LINGO2: variants seen among roughly 807,000 people sequenced by gnomAD.
The protein encoded by LINGO2 is leucine rich repeat and Ig domain containing 2, also known as leucine-rich repeat and immunoglobulin-like domain-containing nogo receptor-interacting protein 2.
A neutral mutation model predicts 30.6 loss-of-function variants in LINGO2; 14 were observed. The observed-to-expected ratio is 0.46, with a 90% confidence interval of 0.30 to 0.72. The LOEUF is 0.72. Among genes scored for constraint, LINGO2 ranks in the 30% least tolerant of loss-of-function variants. The pLI, the probability that LINGO2 is intolerant of heterozygous loss-of-function variation, is 0.07. For missense variants in LINGO2, 729 were observed against 751.7 expected (o/e 0.97, Z 0.35); for synonymous variants, 317 against 288.5 (o/e 1.10, Z -1.00).
chr9:28,877,240 A>C, the LINGO2 span, among the ~76,000 whole-genome samples: 2 of 151,706 alleles, frequency 1.3e-5, no homozygotes, highest in Non-Finnish European at 2.9e-5. Context: ...TGCTGTGCAG[A>C]AGCTCTTTAG....
At chr9:28,459,238 T>C (rs904284443) in intron 2 of LINGO2, among the ~76,000 whole-genome samples, 2 of 147,184 alleles carry the variant, frequency 1.4e-5, no homozygotes, top group Non-Finnish European at 3.0e-5. Context: ...CTTCTGGAAA[T>C]AAGCATTTAA....
the LINGO2 span, among the ~76,000 whole-genome samples, chr9:28,809,457 C>A: frequency 6.6e-6 from 1 of 152,210 alleles, no homozygotes; most frequent in South Asian, 2.1e-4. Flanking sequence ...TTTAAAAATG[C>A]TAGGATGGCT....
intron 4 of LINGO2, among the ~76,000 whole-genome samples, chr9:28,038,177 C>G (rs79402341): frequency 0.022 from 3,280 of 152,180 alleles, 120 homozygotes; most frequent in African/African-American, 0.074. Flanking sequence ...AGCAACCCAA[C>G]ATTTGTAATG....
At chr9:28,755,584 A>G in the LINGO2 span, among the ~76,000 whole-genome samples, 1 of 152,178 alleles carries the variant, frequency 6.6e-6, no homozygotes, top group Middle Eastern at 3.4e-3. Context: ...TTCTCTGCCA[A>G]GACTAAGAGA....
At chr9:29,083,148 G>T in the LINGO2 span, among the ~76,000 whole-genome samples, 12 of 152,086 alleles carry the variant, frequency 7.9e-5, no homozygotes, top group African/African-American at 2.9e-4. Flanking sequence ...GTTTATTGTG[G>T]CACTATTCAC....
At chr9:28,117,830 A>G (rs922017230) in intron 4 of LINGO2, among the ~76,000 whole-genome samples, 13 of 152,026 alleles carry the variant, frequency 8.6e-5, no homozygotes, top group African/African-American at 2.7e-4. Flanking sequence ...TAGTGAGATG[A>G]ACCCGGTACC....
At chr9:28,980,226 T>C in the LINGO2 span, among the ~76,000 whole-genome samples, 8 of 152,134 alleles carry the variant, frequency 5.3e-5, no homozygotes, top group Non-Finnish European at 1.2e-4. Context: ...AGCTTCATAA[T>C]GACCACATAG....
At chr9:28,674,849 AG>A (rs1425392075), upstream of LINGO2, among the ~76,000 whole-genome samples, 1 of 152,142 alleles carries the variant, frequency 6.6e-6, no homozygotes, top group African/African-American at 2.4e-5. Flanking sequence ...GCATCACTAA[AG>A]GATCATCCAA....
At chr9:28,866,984 A>T in the LINGO2 span, among the ~76,000 whole-genome samples, 1 of 152,188 alleles carries the variant, frequency 6.6e-6, no homozygotes, top group African/African-American at 2.4e-5. Context: ...AACCCACACA[A>T]GCAAGAAAAC....
the LINGO2 span, among the ~76,000 whole-genome samples, chr9:28,825,993 AT>A: frequency 6.6e-6 from 1 of 152,170 alleles, no homozygotes; most frequent in Non-Finnish European, 1.5e-5. Context: ...TCTTAATGTT[AT>A]TTTGCATAAT....
chr9:28,723,414 T>C, the LINGO2 span, among the ~76,000 whole-genome samples: 1 of 152,180 alleles, frequency 6.6e-6, no homozygotes, highest in African/African-American at 2.4e-5. Context: ...ACCAGCTTTG[T>C]TGTACAATGT....
chr9:28,262,842 A>G (rs1402210612), intron 4 of LINGO2, among the ~76,000 whole-genome samples: 2 of 151,990 alleles, frequency 1.3e-5, no homozygotes, highest in Non-Finnish European at 2.9e-5. Flanking sequence ...AATTTTCAGT[A>G]AGAGACATCT....
the LINGO2 span, among the ~76,000 whole-genome samples, chr9:28,709,008 C>T: frequency 6.6e-6 from 1 of 152,092 alleles, no homozygotes; most frequent in South Asian, 2.1e-4. Context: ...CACATTTTAA[C>T]CATTTTTCCT....
the LINGO2 span, among the ~76,000 whole-genome samples, chr9:28,898,227 G>C: frequency 6.6e-6 from 1 of 152,078 alleles, no homozygotes; most frequent in African/African-American, 2.4e-5. Context: ...TGATTGATAA[G>C]ACAATAGACC....
chr9:28,242,829 A>T (rs1205443280), intron 4 of LINGO2, among the ~76,000 whole-genome samples: 1 of 152,204 alleles, frequency 6.6e-6, no homozygotes, highest in Non-Finnish European at 1.5e-5. Flanking sequence ...CGACATTCTT[A>T]AAGAAAAGAA....
At chr9:28,333,214 G>T (rs1163433337) in intron 3 of LINGO2, among the ~76,000 whole-genome samples, 1 of 152,156 alleles carries the variant, frequency 6.6e-6, no homozygotes, top group African/African-American at 2.4e-5. Context: ...TTTAACAATT[G>T]AAGGCAGATA....
chr9:28,075,044 C>A (rs1825584462), intron 4 of LINGO2, among the ~76,000 whole-genome samples: 1 of 151,712 alleles, frequency 6.6e-6, no homozygotes, highest in South Asian at 2.1e-4. Context: ...GTGTTTTCTA[C>A]ATCACTGAAG....
At chr9:28,059,269 A>G (rs1209812649) in intron 4 of LINGO2, among the ~76,000 whole-genome samples, 2 of 151,990 alleles carry the variant, frequency 1.3e-5, no homozygotes, top group African/African-American at 4.8e-5. Context: ...CCACATTCTC[A>G]CCACCTGTTT....
chr9:28,794,475 G>A, the LINGO2 span, among the ~76,000 whole-genome samples: 1 of 152,150 alleles, frequency 6.6e-6, no homozygotes, highest in African/African-American at 2.4e-5. Flanking sequence ...TTCCTGAGTT[G>A]AAGACACACA....
Sources: allele counts gnomAD v4.1 joint callset (sites outside exome capture counted in the v4.1 genomes callset), GRCh38; gene constraint gnomAD v4.1.1; transcripts MANE v1.5; gene names NCBI Gene and HGNC (gene_info 2026-07-23, HGNC 2026-07-21).